PLEKHH3: variants seen among roughly 807,000 people sequenced by gnomAD.
The protein encoded by PLEKHH3 is pleckstrin homology domain-containing family H member 3.
A neutral mutation model predicts 77.8 loss-of-function variants in PLEKHH3; 57 were observed. That is an observed-to-expected ratio of 0.73 (90% confidence interval 0.59 to 0.91). The LOEUF (loss-of-function observed/expected upper bound fraction) is 0.91, where lower values mean the gene tolerates loss of function less well. Ranked by LOEUF, PLEKHH3 falls within the 40% of genes least tolerant of loss-of-function variation. PLEKHH3 has a pLI of 0.00. For missense variants in PLEKHH3, 1,082 were observed against 1,091.2 expected (o/e 0.99, Z 0.12); for synonymous variants, 467 against 504.8 (o/e 0.93, Z 1.00).
chr17:42,674,492 C>T, intron 1 of PLEKHH3, 83 bp from the exon 2 acceptor site: 1 of 1,232,836 alleles, frequency 8.1e-7, no homozygotes, highest in Non-Finnish European at 1.1e-6. Context: ...GACAGGGCTG[C>T]TCAGGGGATT....
Position 42,673,968 on chromosome 17 carries a change from C to G in PLEKHH3, c.264G>C (p.Gly88=), listed in dbSNP as rs1343284393. The G allele has an allele frequency of 6.2e-7, 1 of 1,613,552 alleles. No individual in the cohort carries two copies. ...EETWSLIPEK[G]LPEDDPDIVV... ...CGATGTCCGGGTCGTCCTCCGGCAG[C>G]CCTTTCTCCGGGATGAGGCTCCAAG... is the stretch of plus-strand genomic sequence containing the variant. The change falls in exon 3 of 13, where the codon GGG becomes GGC. Residue 88 remains glycine (G), a synonymous_variant. Coordinates refer to ENST00000591022, the MANE Select transcript of PLEKHH3 (RefSeq NM_024927.5).
chr17:42,672,408 G>A lies in PLEKHH3; in HGVS notation c.770-16C>T. On this transcript the variant is annotated splice_polypyrimidine_tract_variant and intron_variant, in intron 6 of 12. Transcript: ENST00000591022. ...TAGCCCGGACCTGTGGGAGGGTGGG[G>A]GCGGAGGGACGGTTTGGAGAGGGGA... The A allele has an allele frequency of 2.0e-6, 3 of 1,492,838 alleles. No individual in the cohort carries two copies. Among genetic ancestry groups the A allele is most frequent in the Non-Finnish European group, 2.7e-6 (3 of 1,122,906 alleles). The allele number at this position is 1,492,838 out of a possible 1,614,324, so 92.5% of individuals were successfully genotyped here.
Position 42,672,289 on chromosome 17 carries a change from G to A in PLEKHH3, c.873C>T (p.Leu291=), listed in dbSNP as rs1225645659. The change falls in exon 7 of 13, where the codon CTC becomes CTT. Residue 291 remains leucine, a synonymous_variant. Transcript: ENST00000591022. ...RRPGPLMQGV[L]QTCRDLPALR... ...GCGCGGGCAAGTCCCGGCAGGTTTG[G>A]AGCACACCCTGCATCAAGGGCCCGG... 2.6e-6 allele frequency: 4 copies of A among 1,550,102 alleles called. No homozygotes were observed. The African/African-American group carries it at 5.5e-5, about 21-fold the overall frequency.
At chr17:42,668,409 C>A in intron 12 of PLEKHH3, 106 bp from the exon 13 acceptor site, 4 of 982,736 alleles carry the variant, frequency 4.1e-6, no homozygotes, top group Non-Finnish European at 5.6e-6. Flanking sequence ...CAGGGTCCTA[C>A]GTGCTCTGGC....
chr17:42,673,598 G>A (rs761745469), intron 4 of PLEKHH3, 42 bp from the exon 5 acceptor site: 2 of 1,591,608 alleles, frequency 1.3e-6, no homozygotes, highest in South Asian at 1.1e-5. Flanking sequence ...AGGGTCTGCC[G>A]GGGCCCCTGC....
At position 42,671,811 on chromosome 17, in the gene PLEKHH3, T is replaced by C. The variant is rs1465685750; in HGVS notation, c.1077-253A>G. ...TTCGTGATCTTCCTTCGGCCTGAAA[T>C]CGAAATCCAGCCACTTTACTACATT... On this transcript the variant is annotated intron_variant, in intron 7 of 12. Transcript: ENST00000591022. The surrounding 1 kb of genome is among the most constrained non-coding windows in gnomAD (Gnocchi z 4.7). Among the ~76,000 whole-genome samples, 1 of 152,112 alleles carries C rather than the reference T, an allele frequency of 6.6e-6. No individual in the cohort carries two copies. The highest frequency in any genetic ancestry group is 1.5e-5 in the Non-Finnish European group (1 of 68,030).
At position 42,676,258 on chromosome 17, in the gene PLEKHH3, G is replaced by C. The variant is rs1357357299; in HGVS notation, c.162+144C>G. 1.2e-5 allele frequency: 17 copies of C among 1,434,860 alleles called. No individual in the cohort carries two copies. The highest frequency in any genetic ancestry group is 1.6e-5 in the Non-Finnish European group (17 of 1,088,240). 88.9% of individuals were successfully genotyped at this position (1,434,860 alleles called of 1,614,324 possible). On this transcript the variant is annotated intron_variant, in intron 1 of 12. Transcript: ENST00000591022. This position sits in a 1 kb window ranked among gnomAD's most constrained non-coding sequence, Gnocchi z 6.6. ...GGGCTGCTGCTCCGAGAGCTCCCGG[G>C]GGCTTTGGCCCCCAGGCAAAAAACT...
intron 10 of PLEKHH3, 26 bp from the exon 11 acceptor site, chr17:42,670,402 T>C: frequency 6.9e-7 from 1 of 1,453,594 alleles, no homozygotes; most frequent in Non-Finnish European, 9.0e-7. Flanking sequence ...CCGGCGTCAG[T>C]GTACGAGCGG....
Position 42,674,396 on chromosome 17 carries a change from A to G in PLEKHH3, c.176T>C (p.Val59Ala). Reference protein sequence around the residue: ...PAGGGRGPLEVTLTQPVRSGP... With the variant: ...PAGGGRGPLEATLTQPVRSGP... ...GCTCCTCACTGGCTGAGTCAGCGTC[A>G]CTTCCAGGGGACCCTGGGGAGACAG... The change falls in exon 2 of 13, where the codon GTG becomes GCG. Residue 59 changes from valine (V) to alanine (A), a missense_variant. Val to Ala is a moderately conservative substitution (Grantham distance 64). Coordinates refer to ENST00000591022, the MANE Select transcript of PLEKHH3 (RefSeq NM_024927.5). 1.4e-5 allele frequency: 23 copies of G among 1,594,716 alleles called. No individual in the cohort carries two copies. Among genetic ancestry groups the G allele is most frequent in the Non-Finnish European group, 2.0e-5 (23 of 1,171,378 alleles).
chr17:42,668,076 A>G lies in PLEKHH3; in HGVS notation c.*51T>C. Reference sequence around the variant, plus strand: ...CCATGTTTCCCTCAAATCTCAGAGCAGTCCTGGCCCAGGCTGCAGGCAGGA... The same window carrying G: ...CCATGTTTCCCTCAAATCTCAGAGCGGTCCTGGCCCAGGCTGCAGGCAGGA... On this transcript the variant is annotated 3_prime_UTR_variant, in exon 13 of 13. Transcript: ENST00000591022. 7.7e-7 allele frequency: 1 copy of G among 1,306,178 alleles called. No individual in the cohort carries two copies. Among genetic ancestry groups the G allele is most frequent in the South Asian group, 2.4e-5 (1 of 41,940 alleles). 80.9% of individuals were successfully genotyped at this position (1,306,178 alleles called of 1,614,324 possible).
Position 42,671,561 on chromosome 17 carries a change from G to C in PLEKHH3, c.1077-3C>G, listed in dbSNP as rs1567958817. ...AGTCCGGGAGTGCCTGCTCGGTCCT[G>C]GGTTAGGAGGAACCCAGGGATCAAT... On this transcript the variant is annotated splice_region_variant and splice_polypyrimidine_tract_variant and intron_variant, in intron 7 of 12. Coordinates refer to ENST00000591022, the MANE Select transcript of PLEKHH3 (RefSeq NM_024927.5). The surrounding 1 kb of genome is among the most constrained non-coding windows in gnomAD (Gnocchi z 4.7). The C allele has an allele frequency of 6.2e-7, 1 of 1,605,734 alleles. No homozygotes were observed. Among genetic ancestry groups the C allele is most frequent in the Non-Finnish European group, 8.5e-7 (1 of 1,176,284 alleles).
At position 42,670,198 on chromosome 17, in the gene PLEKHH3, G is replaced by A. The variant is rs902455662; in HGVS notation, c.1733C>T (p.Pro578Leu). The change falls in exon 11 of 13, where the codon CCC becomes CTC. Residue 578 changes from proline to leucine, a missense_variant. Transcript: ENST00000591022. ...CAGGGCAGCGGAAGGGGGCGGCCTG[G>A]GGGTCGGGCGGGGCGGGTCTTCGCG... is the stretch of plus-strand genomic sequence containing the variant. ...PPREDPPRPT[P>L]RPPPSAALLA... 2 of 1,208,510 alleles carry A rather than the reference G, an allele frequency of 1.7e-6. No homozygotes were observed. The highest frequency in any genetic ancestry group is 2.1e-6 in the Non-Finnish European group (2 of 974,820). The allele number at this position is 1,208,510 out of a possible 1,614,324, so 74.9% of individuals were successfully genotyped here. A position where few individuals can be genotyped will look rare whatever the true frequency, so the allele number is the denominator to read the frequency against.
chr17:42,669,062 C>CTT, intron 12 of PLEKHH3: 1 of 165,800 alleles, frequency 6.0e-6, no homozygotes. Context: ...CTGCCCGCCT[C>CTT]GGCCTCCCAA....
chr17:42,672,488 A>G (rs2052726082), intron 6 of PLEKHH3, 96 bp from the exon 7 acceptor site: 11 of 1,115,824 alleles, frequency 9.9e-6, no homozygotes, highest in Middle Eastern at 3.1e-4. Context: ...CAGAGGGAAT[A>G]TAAGGGGATG....
chr17:42,673,646 T>C lies in PLEKHH3; in HGVS notation c.487A>G (p.Thr163Ala). 6.2e-7 allele frequency: 1 copy of C among 1,602,566 alleles called. No homozygotes were observed. The highest frequency in any genetic ancestry group is 2.2e-5 in the East Asian group (1 of 44,860). Residue 163 changes from threonine (T) to alanine (A), a missense_variant, in exon 4 of 13, where the codon ACA (threonine) becomes GCA (alanine). This residue lies in a region of PLEKHH3 where 344 missense variants were observed against 320.8 expected (regional missense o/e 1.07). Coordinates refer to ENST00000591022, the MANE Select transcript of PLEKHH3 (RefSeq NM_024927.5). ...VTGPERRRKE[T>A]GLWSVTVSGR... ...GAGAGTCCCCAGGAGGTCTCACCTG[T>C]CTCCTTACGCCTGCGCTCTGGGCCG...
rs7218635 is a variant in PLEKHH3, at chr17:42,676,188, T to C, written c.162+214A>G. ...TGCCTCAGGGCCCCCAGCAGGTGGA[T>C]AGCGCCCAGCCTGCAGCGGGAGGCC... On this transcript the variant is annotated intron_variant, in intron 1 of 12. Transcript: ENST00000591022. This position sits in a 1 kb window ranked among gnomAD's most constrained non-coding sequence, Gnocchi z 6.6. 1,311,861 of 1,375,924 alleles carry C rather than the reference T, an allele frequency of 0.95. 625,541 individuals carry two copies. The highest frequency in any genetic ancestry group is 1 in the East Asian group (37,283 of 37,312). The allele number at this position is 1,375,924 out of a possible 1,614,324, so 85.2% of individuals were successfully genotyped here.
chr17:42,668,656 A>C (rs2052610798), intron 12 of PLEKHH3: 1 of 158,454 alleles, frequency 6.3e-6, no homozygotes, highest in Non-Finnish European at 1.4e-5. Flanking sequence ...ACAGGGTTTC[A>C]CCGTGTTAGC....
At position 42,668,322 on chromosome 17, in the gene PLEKHH3, C is replaced by T; in HGVS notation, c.2206-19G>A. 2 of 1,497,464 alleles carry T rather than the reference C, an allele frequency of 1.3e-6. No homozygotes were observed. Among genetic ancestry groups the T allele is most frequent in the Non-Finnish European group, 1.8e-6 (2 of 1,132,430 alleles). The allele number at this position is 1,497,464 out of a possible 1,614,324, so 92.8% of individuals were successfully genotyped here. On this transcript the variant is annotated intron_variant, in intron 12 of 12. Coordinates refer to ENST00000591022, the MANE Select transcript of PLEKHH3 (RefSeq NM_024927.5). The stretch of plus-strand genomic sequence containing the variant: ...CTTCCACCTAAGAGAGGGCAGAGGT[C>T]AGTGTGCAACAGGGGCTGCCAGGTT...
chr17:42,674,860 C>T (rs1450404940), intron 1 of PLEKHH3: 1 of 164,662 alleles, frequency 6.1e-6, no homozygotes, highest in Non-Finnish European at 1.3e-5. Flanking sequence ...ATTTTCCCTT[C>T]TTCCACACTG....
Sources: gnomAD v4.1 joint callset for allele counts (sites outside exome capture counted in the v4.1 genomes callset) on GRCh38, gnomAD v4.1.1 for gene constraint, gnomAD v4.1.1 regional missense constraint, Gnocchi (gnomAD v3.1) non-coding constraint, MANE v1.5 for transcripts, NCBI Gene and HGNC (gene_info 2026-07-23, HGNC 2026-07-21) for gene names.